The following SEMA3E variants were observed in gnomAD, a reference collection of about 807,000 sequenced individuals.
The protein encoded by SEMA3E is semaphorin-3E.
Under a neutral mutation model 93.6 loss-of-function variants are expected in SEMA3E, and 49 were observed. The observed-to-expected ratio is 0.52, with a 90% CI of 0.42 to 0.66. The LOEUF (loss-of-function observed/expected upper bound fraction) is 0.66, where lower values mean the gene tolerates loss of function less well. Ranked by LOEUF, SEMA3E falls within the 30% of genes least tolerant of loss-of-function variation. The pLI is 0.00. For missense variants in SEMA3E, 906 were observed against 964.8 expected, an observed-to-expected ratio of 0.94 and a Z score of 0.81; for synonymous variants, 363 against 330.7, an observed-to-expected ratio of 1.10 and a Z score of -1.06.
At chr7:83,438,172 TC>T (rs1266931233) in intron 4 of SEMA3E, among the ~76,000 whole-genome samples, 1 of 152,142 alleles carries the variant, frequency 6.6e-6, no homozygotes, top group African/African-American at 2.4e-5. Context: ...CACTCTAAAA[TC>T]ACCTGTGTTT....
In SEMA3E at chr7:83,363,860, ATTTTTTTTTTTTTTTTTTTTTTTTTTTTT is replaced by A. The variant is rs56867715; in HGVS notation, c.*3697_*3725del. On this transcript the variant is annotated 3_prime_UTR_variant, in exon 17 of 17. Transcript: ENST00000643230. ...GGCTACAGGTGTCACAGGTCAATTCATTTTTTTTTTTTTTTTTTTTTTTTTTTTTTTTTTTTTTTTTTTTTGAGACGGAG... is the reference window on the plus strand; with the variant it reads ...GGCTACAGGTGTCACAGGTCAATTCATTTTTTTTTTTTTTTTGAGACGGAG... 1.8e-4 allele frequency: 14 copies of A among 76,924 alleles called. No homozygotes were observed. Among genetic ancestry groups the A allele is most frequent in the East Asian group, 5.1e-4 (1 of 1,954 alleles). 4.8% of individuals were successfully genotyped at this position (76,924 alleles called of 1,614,324 possible).
At chr7:83,641,698 G>A (rs1794013888) in intron 1 of SEMA3E, among the ~76,000 whole-genome samples, 1 of 152,006 alleles carries the variant, frequency 6.6e-6, no homozygotes, top group Admixed American at 6.6e-5. Flanking sequence ...GAAAATCTTT[G>A]CTTTTAAGTA....
chr7:83,508,119 C>T (rs1790741023), intron 1 of SEMA3E, among the ~76,000 whole-genome samples: 1 of 152,096 alleles, frequency 6.6e-6, no homozygotes, highest in Admixed American at 6.5e-5. Context: ...AGAGAGCCTC[C>T]TTATTTTCCT....
intron 16 of SEMA3E, among the ~76,000 whole-genome samples, chr7:83,368,527 G>C (rs1794708099): frequency 6.6e-6 from 1 of 151,996 alleles, no homozygotes; most frequent in African/African-American, 2.4e-5. Context: ...CCTCTCTTTG[G>C]AGAACTGGGC....
At position 83,363,859 on chromosome 7, in the gene SEMA3E, C is replaced by CTTTT. The variant is rs1562743425; in HGVS notation, c.*3726_*3727insAAAA. 3 of 100,566 alleles carry CTTTT rather than the reference C, an allele frequency of 3.0e-5. No individual in the cohort carries two copies. The highest frequency in any genetic ancestry group is 6.5e-3 in the Middle Eastern group (1 of 154). 6.2% of individuals were successfully genotyped at this position (100,566 alleles called of 1,614,324 possible). On this transcript the variant is annotated 3_prime_UTR_variant, in exon 17 of 17. Transcript: ENST00000643230. ...AGGCTACAGGTGTCACAGGTCAATT[C>CTTTT]ATTTTTTTTTTTTTTTTTTTTTTTT...
chr7:83,536,210 T>C (rs749976668), intron 1 of SEMA3E, among the ~76,000 whole-genome samples: 1 of 152,156 alleles, frequency 6.6e-6, no homozygotes, highest in Non-Finnish European at 1.5e-5. Context: ...TTTTGATTTT[T>C]TTTAATGAAT....
At chr7:83,372,569 C>T (rs1471343460) in intron 16 of SEMA3E, 2 of 275,662 alleles carry the variant, frequency 7.3e-6, no homozygotes, top group Non-Finnish European at 1.3e-5. Context: ...AAATCAGAAA[C>T]CCAAGTTTGA....
At chr7:83,394,208 A>C (rs559111112) in intron 13 of SEMA3E, 89 bp downstream of exon 13, 1 of 1,337,668 alleles carries the variant, frequency 7.5e-7, no homozygotes, top group Non-Finnish European at 1.1e-6. Context: ...ATATTTAAGC[A>C]CATGTACTAA....
chr7:83,389,437 A>T (rs2116922519), intron 14 of SEMA3E, among the ~76,000 whole-genome samples: 1 of 126,736 alleles, frequency 7.9e-6, no homozygotes, highest in South Asian at 2.3e-4. Flanking sequence ...ATAATTCTAG[A>T]TAAGCAATGT....
intron 1 of SEMA3E, among the ~76,000 whole-genome samples, chr7:83,644,089 G>A (rs1333200561): frequency 2.0e-5 from 3 of 151,768 alleles, no homozygotes; most frequent in African/African-American, 4.8e-5. Context: ...ATTTAACATT[G>A]TGCTCTTTTA....
intron 4 of SEMA3E, among the ~76,000 whole-genome samples, chr7:83,434,709 CTTTTTT>C (rs76539180): frequency 2.5e-5 from 3 of 120,222 alleles, no homozygotes; most frequent in East Asian, 3.1e-4. Context: ...AACTGTATTT[CTTTTTT>C]TTTTTTTTTT....
In SEMA3E at chr7:83,406,072, A is replaced by C. The variant is rs761667249; in HGVS notation, c.814-13T>G. ...CTCCTACATCATTCTGTGAAAACCA[A>C]AAAGGAGGTAAATAGTTACCTAAAG... On this transcript the variant is annotated splice_polypyrimidine_tract_variant and intron_variant, in intron 7 of 16. Coordinates refer to ENST00000643230, the MANE Select transcript of SEMA3E (RefSeq NM_012431.3). 1 of 1,559,506 alleles carries C rather than the reference A, an allele frequency of 6.4e-7. No homozygotes were observed. The highest frequency in any genetic ancestry group is 8.8e-7 in the Non-Finnish European group (1 of 1,130,628).
chr7:83,599,819 T>C (rs868224593), intron 1 of SEMA3E, among the ~76,000 whole-genome samples: 1 of 152,144 alleles, frequency 6.6e-6, no homozygotes, highest in Non-Finnish European at 1.5e-5. Context: ...TGTCCGTGTA[T>C]GTTTGTGTGT....
intron 16 of SEMA3E, among the ~76,000 whole-genome samples, chr7:83,380,675 A>G (rs1787758543): frequency 6.6e-6 from 1 of 151,874 alleles, no homozygotes; most frequent in Admixed American, 6.6e-5. Flanking sequence ...CTTGGTTTCA[A>G]CAGAATCTTT....
intron 4 of SEMA3E, among the ~76,000 whole-genome samples, chr7:83,460,131 T>A (rs1227285838): frequency 6.6e-6 from 1 of 152,196 alleles, no homozygotes; most frequent in Non-Finnish European, 1.5e-5. Flanking sequence ...TTTGGTGCCG[T>A]GATTCAGATC....
chr7:83,463,229 A>G (rs1436471253), intron 4 of SEMA3E, among the ~76,000 whole-genome samples: 1 of 151,768 alleles, frequency 6.6e-6, no homozygotes, highest in Non-Finnish European at 1.5e-5. Context: ...TTCTTACACA[A>G]GAGCCAGGAC....
At chr7:83,600,512 TTTTTTTTTGTA>T (rs1562849823) in intron 1 of SEMA3E, among the ~76,000 whole-genome samples, 2 of 117,668 alleles carry the variant, frequency 1.7e-5, no homozygotes, top group Non-Finnish European at 3.5e-5. Flanking sequence ...TTTTTTTTTT[TTTTTTTTTGTA>T]TTTTTAGTAG....
At chr7:83,643,552 T>C (rs1794041170) in intron 1 of SEMA3E, among the ~76,000 whole-genome samples, 1 of 151,976 alleles carries the variant, frequency 6.6e-6, no homozygotes, top group African/African-American at 2.4e-5. Context: ...AAGAATTTAA[T>C]AATTCATAGA....
chr7:83,603,555 C>T (rs1036925278), intron 1 of SEMA3E, among the ~76,000 whole-genome samples: 1 of 151,994 alleles, frequency 6.6e-6, no homozygotes, highest in African/African-American at 2.4e-5. Flanking sequence ...AAACTAGATG[C>T]TACTGTAAAC....
Sources: gnomAD v4.1 joint callset for allele counts (sites outside exome capture counted in the v4.1 genomes callset) on GRCh38, gnomAD v4.1.1 for gene constraint, MANE v1.5 for transcripts, NCBI Gene and HGNC (gene_info 2026-07-23, HGNC 2026-07-21) for gene names.